CAGE1: variants seen among roughly 807,000 people sequenced by gnomAD.
The protein encoded by CAGE1 is cancer antigen 1.
In CAGE1, 66 loss-of-function variants were observed where a neutral mutation model predicts 94.9. The observed-to-expected ratio is 0.70, with a 90% CI of 0.57 to 0.85. CAGE1 has a LOEUF of 0.85. Ranked by LOEUF, CAGE1 falls within the 40% of genes least tolerant of loss-of-function variation. CAGE1 has a pLI of 0.00. For missense variants in CAGE1, 865 were observed against 950.4 expected (o/e 0.91, Z 1.18); for synonymous variants, 319 against 321.0 (o/e 0.99, Z 0.07).
intron 11 of CAGE1, among the ~76,000 whole-genome samples, chr6:7,345,362 TCA>T (rs1759431653): frequency 6.0e-5 from 5 of 82,694 alleles, no homozygotes; most frequent in Non-Finnish European, 1.4e-4. Context: ...TCTGAACACA[TCA>T]GAACATCAGA....
At chr6:7,359,572 A>G (rs1037627827) in intron 9 of CAGE1, among the ~76,000 whole-genome samples, 3 of 152,196 alleles carry the variant, frequency 2.0e-5, no homozygotes, top group Non-Finnish European at 2.9e-5. Flanking sequence ...GACATTTGAC[A>G]TAGCAGAGGA....
intron 11 of CAGE1, among the ~76,000 whole-genome samples, chr6:7,344,327 T>G (rs929572608): frequency 6.6e-6 from 1 of 152,226 alleles, no homozygotes; most frequent in Non-Finnish European, 1.5e-5. Flanking sequence ...CAGCCGGCCC[T>G]GCCAGCCCGG....
At chr6:7,341,495 C>G (rs774833162) in intron 11 of CAGE1, 400 of 1,207,594 alleles carry the variant, frequency 3.3e-4, no homozygotes, top group Non-Finnish European at 4.4e-4. Context: ...CATCGCGAGT[C>G]TGAGGAGTAG....
In CAGE1 at chr6:7,326,867, ATC is replaced by A. The variant is rs766989494; in HGVS notation, c.2509_2510del (p.Asp837PhefsTer9). 15 of 1,578,740 alleles carry A rather than the reference ATC, an allele frequency of 9.5e-6. No individual in the cohort carries two copies. In the Admixed American group the frequency reaches 1.7e-4, roughly 18 times the overall value. Reference sequence around the variant, plus strand: ...TAATCTTCAGGCTTGTTTAATCTAAATCATTTCTATTTTCTTTAAAAAGAGCT... The same window carrying A: ...TAATCTTCAGGCTTGTTTAATCTAAAATTTCTATTTTCTTTAAAAAGAGCT... ...MPALFKENRNDLD is the reference protein window; with the variant it reads ...MPALFKENRNXLD On this transcript the variant is annotated frameshift_variant, in exon 14 of 14. Transcript: ENST00000502583. LOFTEE classifies it high-confidence loss of function.
At chr6:7,345,127 CCA>C (rs1561851616) in intron 11 of CAGE1, among the ~76,000 whole-genome samples, 8 of 41,604 alleles carry the variant, frequency 1.9e-4, no homozygotes, top group East Asian at 8.4e-4. Flanking sequence ...CTCTTTAGAT[CCA>C]TATTGCTTTT....
At chr6:7,364,008 C>T (rs2113429757) in intron 9 of CAGE1, among the ~76,000 whole-genome samples, 1 of 152,316 alleles carries the variant, frequency 6.6e-6, no homozygotes. Context: ...GCCTATAGTG[C>T]ATTTTAAAGG....
chr6:7,336,659 G>A (rs932769155), intron 11 of CAGE1, among the ~76,000 whole-genome samples: 28 of 152,076 alleles, frequency 1.8e-4, no homozygotes, highest in African/African-American at 5.8e-4. Context: ...ACAGGTGTGC[G>A]CCACCATGCT....
At chr6:7,343,496 G>T (rs1759274399) in intron 11 of CAGE1, among the ~76,000 whole-genome samples, 1 of 152,166 alleles carries the variant, frequency 6.6e-6, no homozygotes, top group African/African-American at 2.4e-5. Flanking sequence ...TGTTATTTTT[G>T]ATATGGTTTT....
At chr6:7,330,125 C>T (rs1316700736) in intron 12 of CAGE1, among the ~76,000 whole-genome samples, 2 of 152,220 alleles carry the variant, frequency 1.3e-5, no homozygotes, top group Non-Finnish European at 2.9e-5. Context: ...CGGTGGCTCA[C>T]ACCTGTAATC....
intron 13 of CAGE1, among the ~76,000 whole-genome samples, chr6:7,328,044 A>G (rs1464713484): frequency 6.6e-6 from 1 of 152,186 alleles, no homozygotes; most frequent in East Asian, 1.9e-4. Flanking sequence ...GGCATGCCCT[A>G]TTGAGTGTCC....
In CAGE1 at chr6:7,383,719, A is replaced by T. The variant is rs575035404; in HGVS notation, c.283+2066T>A. ...GGATGTTAGGATTAAGGTAGGATAC[A>T]TGAAATTGCATTAATCAATAGACTT... On this transcript the variant is annotated intron_variant, in intron 3 of 13. Transcript: ENST00000502583. Among the ~76,000 whole-genome samples the T allele has an allele frequency of 2.0e-5, 3 of 152,340 alleles. No homozygotes were observed. The South Asian group carries it at 6.2e-4, about 32-fold the overall frequency.
intron 11 of CAGE1, chr6:7,341,376 A>G: frequency 1.3e-6 from 1 of 792,198 alleles, no homozygotes. Context: ...CAGACTTTTC[A>G]TGCTTAGGAC....
Position 7,365,883 on chromosome 6 carries a change from A to G in CAGE1, c.2006T>C (p.Leu669Pro). The G allele has an allele frequency of 6.8e-7, 1 of 1,461,784 alleles. No individual in the cohort carries two copies. Among genetic ancestry groups the G allele is most frequent in the East Asian group, 2.5e-5 (1 of 40,414 alleles). The allele number at this position is 1,461,784 out of a possible 1,614,324, so 90.6% of individuals were successfully genotyped here. A position where few individuals can be genotyped will look rare whatever the true frequency, so the allele number is the denominator to read the frequency against. Reference sequence around the variant, plus strand: ...TGTGATTCTATCTTTATGTTTCAGTAGCTAAGAAAAGGAAAACATTCTGTA... The same window carrying G: ...TGTGATTCTATCTTTATGTTTCAGTGGCTAAGAAAAGGAAAACATTCTGTA... ...HLKKKTLDKE[L>P]LKHKDRITTF... is the part of the protein sequence containing the mutation. Residue 669 changes from leucine (L) to proline (P), a missense_variant and splice_region_variant, in exon 8 of 14, where the codon CTA becomes CCA. Coordinates refer to ENST00000502583, the MANE Select transcript of CAGE1 (RefSeq NM_001170692.2).
At chr6:7,332,446 A>G (rs1487253172) in intron 12 of CAGE1, among the ~76,000 whole-genome samples, 1 of 152,180 alleles carries the variant, frequency 6.6e-6, no homozygotes, top group Non-Finnish European at 1.5e-5. Flanking sequence ...AGAGCTGAAG[A>G]TAACTCAACT....
At chr6:7,340,267 G>A (rs1361311754) in intron 11 of CAGE1, among the ~76,000 whole-genome samples, 4 of 151,982 alleles carry the variant, frequency 2.6e-5, no homozygotes, top group Admixed American at 2.6e-4. Context: ...TGATGGGATT[G>A]TTTTTTTCTT....
intron 12 of CAGE1, among the ~76,000 whole-genome samples, chr6:7,332,557 A>G (rs764969005): frequency 6.6e-6 from 1 of 152,170 alleles, no homozygotes; most frequent in Non-Finnish European, 1.5e-5. Context: ...GAGCAGCCAC[A>G]GCTTGCCTTA....
intron 3 of CAGE1, among the ~76,000 whole-genome samples, chr6:7,385,309 C>CT (rs34599762): frequency 0.23 from 33,541 of 147,504 alleles, 3,794 homozygotes; most frequent in Non-Finnish European, 0.25. Flanking sequence ...CTGGCCCCCG[C>CT]TTTTTTTTTT....
In CAGE1 at chr6:7,356,095, T is replaced by C; in HGVS notation, c.2228A>G (p.Glu743Gly). ...TKLGHLLESKENHCNRLIEEN... is the reference protein window; with the variant it reads ...TKLGHLLESKGNHCNRLIEEN... ...TTCAATGAGTCTGTTGCAGTGGTTT[T>C]CTTTTGACTCTAGGAGATGTCCCAG... The change falls in exon 10 of 14, where the codon GAA becomes GGA. Residue 743 changes from glutamate (E) to glycine (G), a missense_variant. Glu to Gly is a moderately conservative substitution (Grantham distance 98, BLOSUM62 -2). Coordinates refer to ENST00000502583, the MANE Select transcript of CAGE1 (RefSeq NM_001170692.2). 1 of 1,550,280 alleles carries C rather than the reference T, an allele frequency of 6.5e-7. No individual in the cohort carries two copies. The highest frequency in any genetic ancestry group is 8.7e-7 in the Non-Finnish European group (1 of 1,145,536).
In CAGE1 at chr6:7,328,202, A is replaced by G. The variant is rs180911989; in HGVS notation, c.2479-1303T>C. ...ATTGGTCCTGGGTCCCAAGTCTAAC[A>G]TTCACTCCTATTTAGTACCTTTTAT... is the stretch of plus-strand genomic sequence containing the variant. On this transcript the variant is annotated intron_variant, in intron 13 of 13. Coordinates refer to ENST00000502583, the MANE Select transcript of CAGE1 (RefSeq NM_001170692.2). Among the ~76,000 whole-genome samples the G allele has an allele frequency of 2.0e-4, 31 of 152,320 alleles. No homozygotes were observed. In the East Asian group the frequency reaches 6.0e-3, roughly 29 times the overall value.
Sources: gnomAD v4.1 joint callset for allele counts (sites outside exome capture counted in the v4.1 genomes callset) on GRCh38, gnomAD v4.1.1 for gene constraint, MANE v1.5 for transcripts, NCBI Gene and HGNC (gene_info 2026-07-23, HGNC 2026-07-21) for gene names.